The following MICU1 variants were observed in gnomAD, a reference collection of about 807,000 sequenced individuals.
MICU1 encodes the protein mitochondrial calcium uptake 1.
MICU1 carries 45 observed loss-of-function variants against 56.8 expected under a neutral mutation model. That is an observed-to-expected ratio of 0.79 (90% CI 0.62 to 1.02). The LOEUF is 1.02. Ranked by LOEUF, MICU1 falls within the 50% of genes least tolerant of loss-of-function variation. The pLI is 0.00. For synonymous variants in MICU1, 186 were observed against 195.1 expected, an observed-to-expected ratio of 0.95 and a Z score of 0.39; for missense variants, 504 against 587.1, an observed-to-expected ratio of 0.86 and a Z score of 1.46.
chr10:72,506,395 T>C (rs2132343534), intron 6 of MICU1, among the ~76,000 whole-genome samples: 1 of 152,368 alleles, frequency 6.6e-6, no homozygotes, highest in South Asian at 2.1e-4. Flanking sequence ...CTTACAAGTA[T>C]ACATTTTATA....
intron 10 of MICU1, among the ~76,000 whole-genome samples, chr10:72,376,583 C>T (rs1232971984): frequency 1.3e-5 from 2 of 152,144 alleles, no homozygotes; most frequent in African/African-American, 4.8e-5. Context: ...TTTCAATGAG[C>T]TGAGATGGCG....
At chr10:72,546,736 C>T (rs1839901460) in intron 4 of MICU1, among the ~76,000 whole-genome samples, 1 of 151,996 alleles carries the variant, frequency 6.6e-6, no homozygotes. Flanking sequence ...ATTATTATTA[C>T]TATTATTGAG....
At position 72,522,657 on chromosome 10, in the gene MICU1, C is replaced by T. The variant is rs199894060; in HGVS notation, c.537+11089G>A. 4.6e-5 allele frequency among the ~76,000 whole-genome samples: 7 copies of T among 152,240 alleles called. No individual in the cohort carries two copies. In the East Asian group the frequency reaches 1.3e-3, roughly 29 times the overall value. On this transcript the variant is annotated intron_variant, in intron 5 of 11. Coordinates refer to ENST00000361114, the MANE Select transcript of MICU1 (RefSeq NM_001195518.2). ...AGTATTTCACAGCATTAATAAACTG[C>T]ATCTGAAGAACAGCATTCTATGCTA...
intron 8 of MICU1, among the ~76,000 whole-genome samples, chr10:72,471,581 A>G (rs1360746646): frequency 9.0e-6 from 1 of 111,244 alleles, no homozygotes; most frequent in Non-Finnish European, 2.6e-5. Flanking sequence ...GTTTGTTTTT[A>G]TTGTTTTTTT....
At chr10:72,552,549 TTTTA>T (rs1298760827) in intron 3 of MICU1, among the ~76,000 whole-genome samples, 18 of 152,172 alleles carry the variant, frequency 1.2e-4, no homozygotes, top group East Asian at 9.6e-4. Context: ...TTTTATTTTA[TTTTA>T]TTTATTTATT....
intron 10 of MICU1, among the ~76,000 whole-genome samples, chr10:72,393,056 T>C (rs1232558927): frequency 1.3e-5 from 2 of 152,220 alleles, no homozygotes; most frequent in South Asian, 2.1e-4. Context: ...CAGAAGAACA[T>C]GATGAGTTTG....
chr10:72,523,645 C>T lies in MICU1; in HGVS notation c.537+10101G>A, dbSNP rs573808182. ...AAACCAAAAGATGTTTATAATTCAG[C>T]TTAATTTATATTTAATTACTACAAC... On this transcript the variant is annotated intron_variant, in intron 5 of 11. Coordinates refer to ENST00000361114, the MANE Select transcript of MICU1 (RefSeq NM_001195518.2). Among the ~76,000 whole-genome samples, 3 of 152,152 alleles carry T rather than the reference C, an allele frequency of 2.0e-5. No individual in the cohort carries two copies. The East Asian group carries it at 5.8e-4, about 29-fold the overall frequency.
intron 5 of MICU1, chr10:72,509,274 A>C: frequency 1.4e-6 from 1 of 724,170 alleles, no homozygotes; most frequent in South Asian, 1.5e-5. Flanking sequence ...CAAAGTAATA[A>C]TGTCATGCAA....
chr10:72,607,592 G>A (rs898998119), intron 1 of MICU1, among the ~76,000 whole-genome samples: 22 of 143,862 alleles, frequency 1.5e-4, no homozygotes, highest in African/African-American at 5.0e-4. Context: ...AGCCAAGATC[G>A]CACCATTGCA....
At chr10:72,578,318 C>T (rs1294520851) in intron 1 of MICU1, among the ~76,000 whole-genome samples, 2 of 151,952 alleles carry the variant, frequency 1.3e-5, no homozygotes, top group Non-Finnish European at 2.9e-5. Flanking sequence ...AGTGCAGTGG[C>T]ATGATCTTGG....
chr10:72,500,273 TATATATATATATATATATATA>T (rs1866988295), intron 6 of MICU1, among the ~76,000 whole-genome samples: 1 of 10,524 alleles, frequency 9.5e-5, no homozygotes, highest in South Asian at 2.7e-3. Context: ...TATATATATA[TATATATATATATATATATATA>T]TATATATATT....
At chr10:72,417,102 T>G (rs1453351173) in intron 9 of MICU1, among the ~76,000 whole-genome samples, 1 of 152,164 alleles carries the variant, frequency 6.6e-6, no homozygotes, top group Non-Finnish European at 1.5e-5. Flanking sequence ...AATATAGAAT[T>G]ACAGAGTTCT....
chr10:72,403,088 T>C (rs1284111960), intron 10 of MICU1, among the ~76,000 whole-genome samples: 1 of 151,982 alleles, frequency 6.6e-6, no homozygotes, highest in Non-Finnish European at 1.5e-5. Context: ...CATAAAAACT[T>C]GAGCTGGGGC....
At chr10:72,551,662 A>G (rs186710383) in intron 3 of MICU1, among the ~76,000 whole-genome samples, 2 of 152,330 alleles carry the variant, frequency 1.3e-5, no homozygotes, top group East Asian at 1.9e-4. Context: ...TTTAAATGTC[A>G]TAAGAAATTT....
At chr10:72,436,240 G>A (rs916901312) in intron 8 of MICU1, among the ~76,000 whole-genome samples, 1 of 152,148 alleles carries the variant, frequency 6.6e-6, no homozygotes, top group Non-Finnish European at 1.5e-5. Context: ...TTGCTGTTCT[G>A]CAGCCTCCAC....
chr10:72,431,294 T>G (rs1864523725), intron 8 of MICU1, among the ~76,000 whole-genome samples: 1 of 152,100 alleles, frequency 6.6e-6, no homozygotes, highest in Admixed American at 6.6e-5. Flanking sequence ...CCACGCCAGC[T>G]AATTTTTGCA....
intron 3 of MICU1, among the ~76,000 whole-genome samples, chr10:72,561,125 AT>A (rs1339372903): frequency 6.6e-6 from 1 of 152,240 alleles, no homozygotes; most frequent in East Asian, 1.9e-4. Context: ...AGAAATAAGA[AT>A]TATTTCAAAT....
At chr10:72,559,881 T>G (rs1363637148) in intron 3 of MICU1, among the ~76,000 whole-genome samples, 4 of 152,150 alleles carry the variant, frequency 2.6e-5, no homozygotes, top group Non-Finnish European at 2.9e-5. Flanking sequence ...GCGGCAACAT[T>G]AGATTCTCAT....
intron 10 of MICU1, among the ~76,000 whole-genome samples, chr10:72,382,449 G>T (rs577880309): frequency 1.3e-5 from 2 of 152,204 alleles, no homozygotes; most frequent in Non-Finnish European, 2.9e-5. Flanking sequence ...GACCAACTGC[G>T]CATGTATGGT....
Sources: allele counts gnomAD v4.1 joint callset (sites outside exome capture counted in the v4.1 genomes callset), GRCh38; gene constraint gnomAD v4.1.1; transcripts MANE v1.5; gene names NCBI Gene and HGNC (gene_info 2026-07-23, HGNC 2026-07-21).